ITPR2: variants seen among roughly 807,000 people sequenced by gnomAD.
ITPR2 encodes inositol 1,4,5-trisphosphate receptor type 2, also known as inositol 1,4,5-trisphosphate-gated calcium channel ITPR2.
In ITPR2, 207 loss-of-function variants were observed where a neutral mutation model predicts 317.1. The observed-to-expected ratio is 0.65, with a 90% confidence interval of 0.58 to 0.73. The LOEUF (loss-of-function observed/expected upper bound fraction) is 0.73. ITPR2 is among the 30% of genes least tolerant of loss of function. The probability of loss-of-function intolerance (pLI) is 0.00; values close to 1 mark genes in which losing one functional copy is unlikely to be tolerated. For missense variants in ITPR2, 2,613 were observed against 3,284.0 expected, an observed-to-expected ratio of 0.80 and a Z score of 4.99; for synonymous variants, 1,156 against 1,149.1, an observed-to-expected ratio of 1.01 and a Z score of -0.12.
At chr12:26,453,464 G>T (rs553298096) in intron 45 of ITPR2, among the ~76,000 whole-genome samples, 1 of 152,086 alleles carries the variant, frequency 6.6e-6, no homozygotes, top group South Asian at 2.1e-4. Context: ...TGTGTAGTGG[G>T]GTTATCTAAA....
At chr12:26,451,629 C>A (rs1332433223) in intron 45 of ITPR2, among the ~76,000 whole-genome samples, 2 of 151,996 alleles carry the variant, frequency 1.3e-5, no homozygotes, top group Admixed American at 1.3e-4. Flanking sequence ...AAGATAGGTA[C>A]AAAATAACAA....
At chr12:26,754,041 G>A (rs1476757662) in intron 2 of ITPR2, among the ~76,000 whole-genome samples, 1 of 152,144 alleles carries the variant, frequency 6.6e-6, no homozygotes, top group Non-Finnish European at 1.5e-5. Context: ...ATATATGAAA[G>A]AGCTTTGATT....
intron 55 of ITPR2, among the ~76,000 whole-genome samples, chr12:26,384,510 C>A (rs565292060): frequency 1.3e-5 from 2 of 152,134 alleles, no homozygotes; most frequent in Non-Finnish European, 2.9e-5. Flanking sequence ...CTTGTCATGG[C>A]TCTGGAGAAA....
intron 44 of ITPR2, among the ~76,000 whole-genome samples, chr12:26,476,517 A>G (rs1454580640): frequency 6.6e-6 from 1 of 152,210 alleles, no homozygotes; most frequent in Non-Finnish European, 1.5e-5. Context: ...AAAAAATATT[A>G]ATTTTATTTT....
At chr12:26,740,584 G>A (rs184404905) in intron 2 of ITPR2, among the ~76,000 whole-genome samples, 2 of 152,232 alleles carry the variant, frequency 1.3e-5, no homozygotes, top group Admixed American at 6.5e-5. Context: ...TCTATACAAT[G>A]CTTTTATAGA....
At chr12:26,753,556 C>T (rs928962581) in intron 2 of ITPR2, among the ~76,000 whole-genome samples, 11 of 152,186 alleles carry the variant, frequency 7.2e-5, no homozygotes, top group African/African-American at 2.7e-4. Context: ...TCGCCTTCCC[C>T]ACCCTGCTTC....
At chr12:26,758,392 TG>T (rs1949565904) in intron 2 of ITPR2, among the ~76,000 whole-genome samples, 1 of 152,236 alleles carries the variant, frequency 6.6e-6, no homozygotes, top group African/African-American at 2.4e-5. Context: ...TGTATATTTT[TG>T]CCTTACAATT....
chr12:26,510,211 C>T (rs145020910), intron 37 of ITPR2, among the ~76,000 whole-genome samples: 204 of 152,140 alleles, frequency 1.3e-3, no homozygotes, highest in African/African-American at 4.2e-3. Flanking sequence ...TTAATCTAGC[C>T]ACTGCATACT....
intron 52 of ITPR2, among the ~76,000 whole-genome samples, 193 bp from the exon 53 acceptor site, chr12:26,400,451 T>C (rs1027559787): frequency 6.6e-6 from 1 of 151,956 alleles, no homozygotes; most frequent in African/African-American, 2.4e-5. Flanking sequence ...TACATACAAA[T>C]GTATATGAAT....
intron 55 of ITPR2, among the ~76,000 whole-genome samples, chr12:26,342,771 G>A (rs908864017): frequency 2.6e-5 from 4 of 151,994 alleles, no homozygotes; most frequent in East Asian, 3.9e-4. Context: ...CACCATGCCC[G>A]GCTGATTTTG....
In ITPR2 at chr12:26,656,279, A is replaced by G; in HGVS notation, c.2444+18T>C. On this transcript the variant is annotated intron_variant, in intron 19 of 56. Coordinates refer to ENST00000381340, the MANE Select transcript of ITPR2 (RefSeq NM_002223.4). ...ATCTGATGAATTCCAAAGCCTCAAG[A>G]CCTTTTTCCAAACATACTCATGAAT... 1 of 1,612,642 alleles carries G rather than the reference A, an allele frequency of 6.2e-7. No homozygotes were observed. Among genetic ancestry groups the G allele is most frequent in the Non-Finnish European group, 8.5e-7 (1 of 1,178,940 alleles).
intron 26 of ITPR2, among the ~76,000 whole-genome samples, chr12:26,619,906 T>A (rs935491588): frequency 1.3e-5 from 2 of 152,126 alleles, no homozygotes; most frequent in African/African-American, 4.8e-5. Context: ...CATTTGATAG[T>A]CAATAAAAAT....
chr12:26,448,336 A>G (rs1421737548), intron 45 of ITPR2, among the ~76,000 whole-genome samples: 1 of 151,618 alleles, frequency 6.6e-6, no homozygotes, highest in Non-Finnish European at 1.5e-5. Context: ...GAATTTGGGC[A>G]ACTGCATTGA....
At position 26,722,544 on chromosome 12, in the gene ITPR2, T is replaced by C. The variant is rs1948855528; in HGVS notation, c.378A>G (p.Ile126Met). ...TGACAGTAAGATATTTGTTGCTTTTTATATGCAGTAGCTATAGGGAAAAGA... is the reference window on the plus strand; with the variant it reads ...TGACAGTAAGATATTTGTTGCTTTTCATATGCAGTAGCTATAGGGAAAAGA... The part of the protein sequence containing the change: ...KYSNVIQLLH[I>M]KSNKYLTVNK... Residue 126 changes from isoleucine to methionine, a missense_variant, in exon 5 of 57, where the codon ATA (isoleucine) becomes ATG (methionine). Coordinates refer to ENST00000381340, the MANE Select transcript of ITPR2 (RefSeq NM_002223.4). 1 of 1,611,376 alleles carries C rather than the reference T, an allele frequency of 6.2e-7. No individual in the cohort carries two copies. Among genetic ancestry groups the C allele is most frequent in the East Asian group, 2.2e-5 (1 of 44,826 alleles).
chr12:26,417,860 A>G (rs1294407976), intron 50 of ITPR2, among the ~76,000 whole-genome samples: 1 of 152,218 alleles, frequency 6.6e-6, no homozygotes, highest in Non-Finnish European at 1.5e-5. Flanking sequence ...TATGTCAGCT[A>G]TACTTCAGTA....
At chr12:26,759,063 T>C (rs1247460603) in intron 2 of ITPR2, among the ~76,000 whole-genome samples, 2 of 152,242 alleles carry the variant, frequency 1.3e-5, no homozygotes, top group Middle Eastern at 3.4e-3. Context: ...CCAGTGTCTA[T>C]CACAGTACCT....
chr12:26,387,620 A>G, intron 54 of ITPR2, 26 bp from the exon 55 acceptor site: 1 of 1,603,916 alleles, frequency 6.2e-7, no homozygotes, highest in Non-Finnish European at 8.5e-7. Flanking sequence ...AACACAATAT[A>G]TGTAATTCGT....
rs142980584 is a variant in ITPR2, at chr12:26,459,943, C to T, written c.6342+15353G>A. On this transcript the variant is annotated intron_variant, in intron 45 of 56. Transcript: ENST00000381340. ...GCTCCTCTTTCCATTTCACCACAAG[C>T]CTCCTCTATCTCCAGTCTTTTGAAA... 1.1e-3 allele frequency among the ~76,000 whole-genome samples: 166 copies of T among 152,352 alleles called. 1 individual carries two copies. Among genetic ancestry groups the T allele is most frequent in the African/African-American group, 3.8e-3 (158 of 41,596 alleles).
intron 2 of ITPR2, among the ~76,000 whole-genome samples, chr12:26,747,514 G>A (rs1222981922): frequency 2.0e-5 from 3 of 152,252 alleles, no homozygotes; most frequent in South Asian, 2.1e-4. Flanking sequence ...CATCTTCGAC[G>A]CCTCTTCATG....
Sources: allele counts gnomAD v4.1 joint callset (sites outside exome capture counted in the v4.1 genomes callset), GRCh38; gene constraint gnomAD v4.1.1; transcripts MANE v1.5; gene names NCBI Gene and HGNC (gene_info 2026-07-23, HGNC 2026-07-21).